The following WWOX variants were observed in gnomAD, a reference collection of about 807,000 sequenced individuals.
WWOX encodes the protein WW domain containing oxidoreductase, also known as WW domain-containing oxidoreductase.
WWOX carries 69 observed loss-of-function variants against 46.2 expected under a neutral mutation model. The ratio of observed to expected loss-of-function variants is 1.49; its 90% confidence interval spans 1.23 to 1.82. The LOEUF (loss-of-function observed/expected upper bound fraction) is 1.82, where lower values mean the gene tolerates loss of function less well. WWOX is among the 40% of genes most tolerant of loss of function. The pLI, the probability that WWOX is intolerant of heterozygous loss-of-function variation, is 0.00. For missense variants in WWOX, 919 were observed against 542.6 expected, an observed-to-expected ratio of 1.69 and a Z score of -6.89; for synonymous variants, 359 against 202.6, an observed-to-expected ratio of 1.77 and a Z score of -6.56.
intron 8 of WWOX, among the ~76,000 whole-genome samples, chr16:78,572,602 CAAAAAAAAA>C (rs35178787): frequency 2.4e-5 from 1 of 41,504 alleles, no homozygotes; most frequent in Admixed American, 3.4e-4. Context: ...GACTCTGTCT[CAAAAAAAAA>C]AAAAAAAAAA....
chr16:78,884,004 C>T (rs1369361364), intron 8 of WWOX, among the ~76,000 whole-genome samples: 15 of 151,990 alleles, frequency 9.9e-5, no homozygotes, highest in Non-Finnish European at 1.8e-4. Flanking sequence ...TCTGGCCAGG[C>T]GTGGTGGCTC....
At chr16:78,211,187 A>T (rs1418037715) in intron 5 of WWOX, among the ~76,000 whole-genome samples, 1 of 152,140 alleles carries the variant, frequency 6.6e-6, no homozygotes, top group Non-Finnish European at 1.5e-5. Context: ...TGTGAGTTTA[A>T]TTCCCACGCT....
At chr16:79,048,560 G>A (rs900125455) in intron 8 of WWOX, among the ~76,000 whole-genome samples, 6 of 152,090 alleles carry the variant, frequency 3.9e-5, no homozygotes, top group African/African-American at 1.4e-4. Flanking sequence ...GCTAAATTAT[G>A]CACAGTGGGC....
chr16:79,187,255 G>C (rs2051034736), intron 8 of WWOX, among the ~76,000 whole-genome samples: 3 of 152,140 alleles, frequency 2.0e-5, no homozygotes, highest in South Asian at 4.1e-4. Flanking sequence ...TAGTTTTTGA[G>C]AAAGCTAAAC....
At chr16:78,498,328 C>T (rs376877677) in intron 8 of WWOX, among the ~76,000 whole-genome samples, 3 of 152,144 alleles carry the variant, frequency 2.0e-5, no homozygotes, top group African/African-American at 7.2e-5. Context: ...AAATTGCAGG[C>T]TGTAATTCAT....
intron 8 of WWOX, among the ~76,000 whole-genome samples, chr16:78,472,495 C>G (rs1275594289): frequency 6.6e-6 from 1 of 151,772 alleles, no homozygotes. Flanking sequence ...AAATATGTGC[C>G]CTGAAGTTTT....
At chr16:79,050,169 G>C (rs748340961) in intron 8 of WWOX, among the ~76,000 whole-genome samples, 26 of 152,180 alleles carry the variant, frequency 1.7e-4, no homozygotes, top group Non-Finnish European at 3.7e-4. Flanking sequence ...GTGTGTGTGG[G>C]GTTCAGCAGA....
chr16:78,238,800 G>A (rs568230419), intron 5 of WWOX, among the ~76,000 whole-genome samples: 1 of 152,046 alleles, frequency 6.6e-6, no homozygotes, highest in East Asian at 1.9e-4. Context: ...TGTATTTTTA[G>A]TAGAGATGGG....
chr16:78,576,948 A>G (rs1453947134), intron 8 of WWOX, among the ~76,000 whole-genome samples: 1 of 152,068 alleles, frequency 6.6e-6, no homozygotes, highest in African/African-American at 2.4e-5. Context: ...TGACCATTTT[A>G]TTTTTCATCC....
intron 5 of WWOX, among the ~76,000 whole-genome samples, chr16:78,308,120 A>T (rs1439210174): frequency 6.6e-6 from 1 of 152,168 alleles, no homozygotes; most frequent in African/African-American, 2.4e-5. Context: ...TCTCATGGTG[A>T]GAGCTTTGGA....
In WWOX at chr16:78,945,749, A is replaced by G. The variant is rs564589000; in HGVS notation, c.1057-265859A>G. On this transcript the variant is annotated intron_variant, in intron 8 of 8. Transcript: ENST00000566780. ...TTCATTTCTTTCCAGGTTCCTGCAA[A>G]TTGTTTTTATTTAGGGCTCATCTGG... Among the ~76,000 whole-genome samples, 4 of 150,860 alleles carry G rather than the reference A, an allele frequency of 2.7e-5. No individual in the cohort carries two copies. In the South Asian group the frequency reaches 6.3e-4, roughly 24 times the overall value.
intron 5 of WWOX, among the ~76,000 whole-genome samples, chr16:78,210,132 C>G (rs1431580279): frequency 6.6e-6 from 1 of 152,086 alleles, no homozygotes; most frequent in African/African-American, 2.4e-5. Flanking sequence ...CATGTTATGA[C>G]AGAAATCATT....
chr16:78,563,486 G>C (rs999766930), intron 8 of WWOX, among the ~76,000 whole-genome samples: 5 of 137,446 alleles, frequency 3.6e-5, no homozygotes, highest in African/African-American at 1.4e-4. Context: ...CACTCGTGTG[G>C]GTGAACACAC....
At chr16:78,579,264 G>C (rs2044985563) in intron 8 of WWOX, among the ~76,000 whole-genome samples, 3 of 152,164 alleles carry the variant, frequency 2.0e-5, no homozygotes, top group African/African-American at 4.8e-5. Context: ...TCGTCAAGGA[G>C]ATAAGTACTT....
chr16:78,908,886 G>T (rs1256586705), intron 8 of WWOX, among the ~76,000 whole-genome samples: 1 of 152,220 alleles, frequency 6.6e-6, no homozygotes. Context: ...ATCCCCTGGA[G>T]CAATTTGGGG....
At chr16:78,925,192 C>G (rs1274830363) in intron 8 of WWOX, among the ~76,000 whole-genome samples, 2 of 152,146 alleles carry the variant, frequency 1.3e-5, no homozygotes, top group Non-Finnish European at 2.9e-5. Context: ...AAAACCCTGA[C>G]TTAAAACAAA....
chr16:78,895,205 C>T (rs1336556659), intron 8 of WWOX, among the ~76,000 whole-genome samples: 1 of 152,206 alleles, frequency 6.6e-6, no homozygotes, highest in Non-Finnish European at 1.5e-5. Flanking sequence ...TTTAAAGAAT[C>T]TGGGCTTACC....
At chr16:78,838,937 T>A (rs7404007) in intron 8 of WWOX, among the ~76,000 whole-genome samples, 102,515 of 151,908 alleles carry the variant, frequency 0.67, 35,019 homozygotes, top group Non-Finnish European at 0.74. Context: ...CAGAGTGGAT[T>A]TAAAACAGCA....
At chr16:79,096,011 G>A (rs919211178) in intron 8 of WWOX, among the ~76,000 whole-genome samples, 4 of 105,326 alleles carry the variant, frequency 3.8e-5, no homozygotes, top group Non-Finnish European at 7.4e-5. Flanking sequence ...TGCCACACCC[G>A]GATAATTTTT....
Sources: gnomAD v4.1 joint callset for allele counts (sites outside exome capture counted in the v4.1 genomes callset) on GRCh38, gnomAD v4.1.1 for gene constraint, MANE v1.5 for transcripts, NCBI Gene and HGNC (gene_info 2026-07-23, HGNC 2026-07-21) for gene names.